Variants in FBXO16 observed in about 807,000 individuals in gnomAD.
FBXO16 encodes F-box only protein 16.
In FBXO16, 31 loss-of-function variants were observed where a neutral mutation model predicts 41.0. The ratio of observed to expected loss-of-function variants is 0.76; its 90% CI spans 0.57 to 1.02. The LOEUF is 1.02. FBXO16 is among the 50% of genes least tolerant of loss of function. FBXO16 has a pLI of 0.00. For missense variants in FBXO16, 361 were observed against 346.2 expected, an observed-to-expected ratio of 1.04 and a Z score of -0.34; for synonymous variants, 133 against 117.8, an observed-to-expected ratio of 1.13 and a Z score of -0.84.
chr8:28,484,663 C>A (rs143333909), intron 1 of FBXO16, among the ~76,000 whole-genome samples: 4 of 152,318 alleles, frequency 2.6e-5, no homozygotes, highest in Non-Finnish European at 2.9e-5. Context: ...ACGATCTCGG[C>A]TCACTGCAAG....
chr8:28,473,701 T>G, intron 3 of FBXO16, 71 bp downstream of exon 3: 2 of 1,362,084 alleles, frequency 1.5e-6, no homozygotes, highest in South Asian at 1.2e-5. Flanking sequence ...AGTCTGATTT[T>G]TTAATAGCAG....
At chr8:28,444,472 TTTTC>T (rs1802829562) in intron 7 of FBXO16, among the ~76,000 whole-genome samples, 1 of 141,016 alleles carries the variant, frequency 7.1e-6, no homozygotes, top group East Asian at 2.0e-4. Flanking sequence ...CCGGCTAATT[TTTTC>T]TTTTCTTTTT....
At position 28,475,881 on chromosome 8, in the gene FBXO16, T is replaced by A. The variant is rs375372857; in HGVS notation, c.100-2074A>T. Among the ~76,000 whole-genome samples the A allele has an allele frequency of 1.8e-4, 27 of 152,330 alleles. No homozygotes were observed. The South Asian group carries it at 5.0e-3, about 28-fold the overall frequency. On this transcript the variant is annotated intron_variant, in intron 2 of 8. Coordinates refer to ENST00000380254, the MANE Select transcript of FBXO16 (RefSeq NM_172366.4). ...GAATCCTAAAGGTCTTTTTGTTCGA[T>A]TCCCATATTTTAGAAAGGATAAGCA... is the stretch of plus-strand genomic sequence containing the variant.
At chr8:28,475,031 C>CTTGCT (rs978205395) in intron 2 of FBXO16, among the ~76,000 whole-genome samples, 2 of 152,214 alleles carry the variant, frequency 1.3e-5, no homozygotes, top group African/African-American at 4.8e-5. Context: ...GAATGTCTCG[C>CTTGCT]TTGCTTTATC....
rs371410050 is a variant in FBXO16 at position 28,488,741 on chromosome 8, T to G, written c.-17+1445A>C. On this transcript the variant is annotated intron_variant, in intron 1 of 8. Transcript: ENST00000380254. ...GTTAGGTATTTTTTAAAAGACCAGT[T>G]GATCATGTCACTTTTCAGCTCAAAA... 1.3e-4 allele frequency among the ~76,000 whole-genome samples: 20 copies of G among 152,328 alleles called. 1 individual carries two copies. The East Asian group carries it at 2.1e-3, about 16-fold the overall frequency.
chr8:28,487,810 C>T (rs1803626273), intron 1 of FBXO16, among the ~76,000 whole-genome samples: 1 of 151,982 alleles, frequency 6.6e-6, no homozygotes, highest in South Asian at 2.1e-4. Context: ...TTTGTGATCT[C>T]CTTCCCTGTA....
intron 2 of FBXO16, among the ~76,000 whole-genome samples, chr8:28,478,564 C>G (rs1803458469): frequency 1.3e-5 from 2 of 152,134 alleles, no homozygotes; most frequent in South Asian, 4.1e-4. Flanking sequence ...GTGACTCATG[C>G]CTATAATCCA....
intron 7 of FBXO16, among the ~76,000 whole-genome samples, chr8:28,441,275 C>A (rs566801527): frequency 1.1e-4 from 16 of 152,142 alleles, no homozygotes; most frequent in Admixed American, 2.6e-4. Context: ...ACAACAAATT[C>A]GTCCCCTAAT....
At chr8:28,460,800 T>G (rs1803121726) in intron 4 of FBXO16, among the ~76,000 whole-genome samples, 1 of 152,098 alleles carries the variant, frequency 6.6e-6, no homozygotes, top group Non-Finnish European at 1.5e-5. Context: ...AGTGCTGCAA[T>G]CTTGGCTCGC....
intron 2 of FBXO16, among the ~76,000 whole-genome samples, chr8:28,482,711 C>T (rs903739026): frequency 6.6e-6 from 1 of 151,686 alleles, no homozygotes; most frequent in Non-Finnish European, 1.5e-5. Flanking sequence ...GCTGGGATTA[C>T]AGGTACACAC....
intron 7 of FBXO16, among the ~76,000 whole-genome samples, chr8:28,445,055 G>A (rs1373874671): frequency 1.3e-5 from 2 of 152,026 alleles, no homozygotes; most frequent in African/African-American, 4.8e-5. Context: ...CTTGTCCTTG[G>A]CAAGCTCATC....
intron 4 of FBXO16, among the ~76,000 whole-genome samples, chr8:28,462,522 C>T (rs1381510550): frequency 6.6e-6 from 1 of 152,124 alleles, no homozygotes; most frequent in African/African-American, 2.4e-5. Flanking sequence ...TTGTGATCCG[C>T]CCGCCTCTGC....
In FBXO16 at chr8:28,483,366, A is replaced by G. The variant is rs370144909; in HGVS notation, c.81T>C (p.His27=). Residue 27 remains histidine (H), a synonymous_variant, in exon 2 of 9, where the codon CAT becomes CAC. Coordinates refer to ENST00000380254, the MANE Select transcript of FBXO16 (RefSeq NM_172366.4). Reference sequence around the variant, plus strand: ...CACTTACCCGGTCATTCAATAGCTGATGGTTTAGGGGTGTCCAGGTGCTCA... The same window carrying G: ...CACTTACCCGGTCATTCAATAGCTGGTGGTTTAGGGGTGTCCAGGTGCTCA... ...TKMSTWTPLN[H]QLLNDRVFEE... The G allele has an allele frequency of 1.2e-5, 20 of 1,612,852 alleles. No homozygotes were observed. The African/African-American group carries it at 2.5e-4, about 20-fold the overall frequency.
At chr8:28,455,700 G>A (rs772484438) in intron 5 of FBXO16, 6 of 152,136 alleles carry the variant, frequency 3.9e-5, no homozygotes, top group Non-Finnish European at 7.3e-5. Context: ...TCAGAGCTAC[G>A]GGAATTTTCA....
rs80150609 is a variant in FBXO16, at chr8:28,458,345, A to G, written c.343-1415T>C. 8.0e-3 allele frequency among the ~76,000 whole-genome samples: 1,218 copies of G among 152,242 alleles called. 18 individuals carry two copies. Among genetic ancestry groups the G allele is most frequent in the African/African-American group, 0.027 (1,126 of 41,544 alleles). On this transcript the variant is annotated intron_variant, in intron 4 of 8. Coordinates refer to ENST00000380254, the MANE Select transcript of FBXO16 (RefSeq NM_172366.4). ...AGGAAAGGTTAGGGAAGGAGGAAAA[A>G]GTTTAGAGGATTTGATACAGCCCTG...
chr8:28,454,495 G>A (rs945163261), intron 5 of FBXO16, among the ~76,000 whole-genome samples: 1 of 151,598 alleles, frequency 6.6e-6, no homozygotes, highest in African/African-American at 2.4e-5. Context: ...TTGGGAGGCC[G>A]AGGCGGGCGG....
At chr8:28,442,272 G>A (rs1027224699) in intron 7 of FBXO16, among the ~76,000 whole-genome samples, 5 of 152,012 alleles carry the variant, frequency 3.3e-5, no homozygotes, top group Non-Finnish European at 5.9e-5. Flanking sequence ...GTTTTATATG[G>A]AATCTTGTTC....
intron 7 of FBXO16, among the ~76,000 whole-genome samples, chr8:28,440,208 TC>T (rs1802748349): frequency 6.6e-6 from 1 of 152,202 alleles, no homozygotes; most frequent in Middle Eastern, 3.4e-3. Flanking sequence ...GCTCAAGTGA[TC>T]CTCCTACCTC....
rs1240247387 is a variant in FBXO16 at position 28,452,443 on chromosome 8, C to T, written c.541G>A (p.Val181Ile). The T allele has an allele frequency of 4.3e-6, 7 of 1,614,084 alleles. No individual in the cohort carries two copies. The highest frequency in any genetic ancestry group is 2.2e-5 in the East Asian group (1 of 44,888). ...PPKDGFVIAD[V>I]QLVTSNSPEE... is the part of the protein sequence containing the mutation. ...GGAGAATTGCTTGTAACTAGTTGAACGTCAGCGATTACAAATCCATCCTTT... is the reference window on the plus strand; with the variant it reads ...GGAGAATTGCTTGTAACTAGTTGAATGTCAGCGATTACAAATCCATCCTTT... Residue 181 changes from valine (V) to isoleucine (I), a missense_variant, in exon 6 of 9, where the codon GTT (valine) becomes ATT (isoleucine). Physicochemically the swap from Val to Ile is conservative, Grantham distance 29 (BLOSUM62 3). Coordinates refer to ENST00000380254, the MANE Select transcript of FBXO16 (RefSeq NM_172366.4).
Sources: allele counts gnomAD v4.1 joint callset (sites outside exome capture counted in the v4.1 genomes callset), GRCh38; gene constraint gnomAD v4.1.1; transcripts MANE v1.5; gene names NCBI Gene and HGNC (gene_info 2026-07-23, HGNC 2026-07-21).